Variants in CPS1 observed in about 807,000 individuals in gnomAD.
CPS1 encodes carbamoyl-phosphate synthase 1.
In CPS1, 109 loss-of-function variants were observed where a neutral mutation model predicts 174.6. The ratio of observed to expected loss-of-function variants is 0.62; its 90% CI spans 0.53 to 0.73. The LOEUF is 0.73. Among genes scored for constraint, CPS1 ranks in the 30% least tolerant of loss-of-function variants. The probability of loss-of-function intolerance (pLI) is 0.00; values close to 1 mark genes in which losing one functional copy is unlikely to be tolerated. For synonymous variants in CPS1, 637 were observed against 632.0 expected (o/e 1.01, Z -0.12); for missense variants, 1,689 against 1,821.9 (o/e 0.93, Z 1.33).
At chr2:210,538,859 C>T (rs1696327044) in intron 1 of CPS1, among the ~76,000 whole-genome samples, 2 of 151,916 alleles carry the variant, frequency 1.3e-5, no homozygotes, top group African/African-American at 2.4e-5. Flanking sequence ...TGAAACATTA[C>T]AAATAAGTTT....
At chr2:210,654,229 G>C in intron 29 of CPS1, 127 bp downstream of exon 29, 1 of 805,638 alleles carries the variant, frequency 1.2e-6, no homozygotes, top group South Asian at 1.5e-5. Context: ...TAGTGGAGAA[G>C]CTGTAAAAAA....
At chr2:210,674,824 T>C in intron 34 of CPS1, 78 bp from the exon 35 acceptor site, 5 of 1,115,496 alleles carry the variant, frequency 4.5e-6, no homozygotes, top group Non-Finnish European at 6.9e-6. Context: ...TCTTTTAAGA[T>C]GTTGTAAGGA....
intron 34 of CPS1, chr2:210,673,868 A>G (rs1281887251): frequency 6.6e-6 from 1 of 152,110 alleles, no homozygotes; most frequent in Non-Finnish European, 1.5e-5. Context: ...TCAAGGTAAC[A>G]CAGTTTAATA....
intron 1 of CPS1, among the ~76,000 whole-genome samples, chr2:210,516,161 G>A (rs2105982096): frequency 6.6e-6 from 1 of 151,828 alleles, no homozygotes; most frequent in East Asian, 1.9e-4. Flanking sequence ...AGATGTGAAA[G>A]ATGTACATTC....
intron 2 of CPS1, among the ~76,000 whole-genome samples, chr2:210,575,465 T>G (rs887531158): frequency 6.6e-6 from 1 of 151,538 alleles, no homozygotes; most frequent in Non-Finnish European, 1.5e-5. Flanking sequence ...TTCTTCTTCT[T>G]AAGAATAAGA....
intron 1 of CPS1, among the ~76,000 whole-genome samples, chr2:210,562,298 C>T (rs72934385): frequency 0.052 from 7,975 of 152,082 alleles, 311 homozygotes; most frequent in Non-Finnish European, 0.08. Context: ...AACCAAAGAC[C>T]GATGACTTAA....
rs545546823 is a variant in CPS1, at chr2:210,520,377, A to G, written c.4-36342A>G. Among the ~76,000 whole-genome samples the G allele has an allele frequency of 1.4e-4, 22 of 152,120 alleles. No individual in the cohort carries two copies. The South Asian group carries it at 2.9e-3, about 20-fold the overall frequency. On this transcript the variant is annotated intron_variant, in intron 1 of 38. Coordinates refer to the CPS1 transcript ENST00000430249. ...TTTGTTACATAGGTATATATGTGCC[A>G]TGGTGGTTTGCTGCACCTATCAACC... is the stretch of plus-strand genomic sequence containing the variant.
chr2:210,553,265 G>A (rs1472079872), upstream of CPS1, among the ~76,000 whole-genome samples: 1 of 151,794 alleles, frequency 6.6e-6, no homozygotes, highest in African/African-American at 2.4e-5. Context: ...AGTGTTAACA[G>A]AGATTATGTT....
chr2:210,500,146 G>A (rs1695102706), intron 1 of CPS1, among the ~76,000 whole-genome samples: 1 of 151,928 alleles, frequency 6.6e-6, no homozygotes, highest in African/African-American at 2.4e-5. Flanking sequence ...CAGCATGGGG[G>A]AACCGCCCCC....
chr2:210,502,775 T>C (rs970000491), intron 1 of CPS1, among the ~76,000 whole-genome samples: 1 of 152,106 alleles, frequency 6.6e-6, no homozygotes, highest in Non-Finnish European at 1.5e-5. Context: ...AAAATTTGAG[T>C]GAGGGGTTCA....
At chr2:210,545,798 G>A (rs1289322739) in intron 1 of CPS1, among the ~76,000 whole-genome samples, 1 of 151,862 alleles carries the variant, frequency 6.6e-6, no homozygotes, top group Non-Finnish European at 1.5e-5. Flanking sequence ...GTATTGGCTG[G>A]GAAAAAAAGT....
chr2:210,665,218 C>T (rs1701052194), intron 33 of CPS1, among the ~76,000 whole-genome samples: 1 of 152,126 alleles, frequency 6.6e-6, no homozygotes, highest in African/African-American at 2.4e-5. Context: ...ACCACATGTA[C>T]TGGTGACCAG....
At chr2:210,647,392 G>C (rs1211740731) in intron 25 of CPS1, among the ~76,000 whole-genome samples, 1 of 152,138 alleles carries the variant, frequency 6.6e-6, no homozygotes, top group Admixed American at 6.6e-5. Context: ...TTATTCTCTA[G>C]GCAGTGGAAA....
At chr2:210,589,615 A>G (rs1262287216) in intron 7 of CPS1, among the ~76,000 whole-genome samples, 3 of 152,002 alleles carry the variant, frequency 2.0e-5, no homozygotes, top group African/African-American at 4.8e-5. Flanking sequence ...AGGAGAGTGC[A>G]TTATCCATTT....
chr2:210,608,619 A>C, intron 19 of CPS1, 60 bp downstream of exon 19: 4 of 1,530,944 alleles, frequency 2.6e-6, no homozygotes, highest in Non-Finnish European at 3.6e-6. Flanking sequence ...TAAATTTGTG[A>C]CACCATTGAC....
chr2:210,579,376 C>T (rs1044788206), intron 4 of CPS1, among the ~76,000 whole-genome samples: 1 of 152,222 alleles, frequency 6.6e-6, no homozygotes, highest in Non-Finnish European at 1.5e-5. Flanking sequence ...TGGCTCAAAA[C>T]ATGGATTTGC....
At chr2:210,516,277 C>T (rs975817886) in intron 1 of CPS1, among the ~76,000 whole-genome samples, 1 of 151,786 alleles carries the variant, frequency 6.6e-6, no homozygotes, top group African/African-American at 2.4e-5. Context: ...AATGATCTGT[C>T]TAATGCTGTC....
chr2:210,532,180 T>G (rs749727977), intron 1 of CPS1, among the ~76,000 whole-genome samples: 1 of 152,122 alleles, frequency 6.6e-6, no homozygotes, highest in Non-Finnish European at 1.5e-5. Flanking sequence ...TATGAGGCAT[T>G]TTAGAGAGCA....
intron 6 of CPS1, among the ~76,000 whole-genome samples, chr2:210,585,345 A>C (rs1444334411): frequency 6.6e-6 from 1 of 152,008 alleles, no homozygotes. Context: ...TATGACCTCC[A>C]TTATTAATAT....
Sources: allele counts gnomAD v4.1 joint callset (sites outside exome capture counted in the v4.1 genomes callset), GRCh38; gene constraint gnomAD v4.1.1; transcripts MANE v1.5; gene names NCBI Gene and HGNC (gene_info 2026-07-23, HGNC 2026-07-21).